KYAT1: variants seen among roughly 807,000 people sequenced by gnomAD.
KYAT1 encodes kynurenine aminotransferase 1, also known as kynurenine--oxoglutarate transaminase 1.
KYAT1 carries 47 observed loss-of-function variants against 52.4 expected under a neutral mutation model. That is an observed-to-expected ratio of 0.90 (90% confidence interval 0.71 to 1.14). KYAT1 has a LOEUF of 1.14. Ranked by LOEUF, KYAT1 falls within the 50% of genes most tolerant of loss-of-function variation. The pLI is 0.00. For missense variants in KYAT1, 480 were observed against 557.9 expected, an observed-to-expected ratio of 0.86 and a Z score of 1.41; for synonymous variants, 212 against 209.6, an observed-to-expected ratio of 1.01 and a Z score of -0.10.
At chr9:128,851,205 T>A (rs928914830) in intron 1 of KYAT1, among the ~76,000 whole-genome samples, 1 of 152,168 alleles carries the variant, frequency 6.6e-6, no homozygotes, top group African/African-American at 2.4e-5. Flanking sequence ...TGACGAGATA[T>A]CCCACAGGTA....
intron 1 of KYAT1, among the ~76,000 whole-genome samples, chr9:128,879,963 A>C (rs1009639110): frequency 6.6e-6 from 1 of 152,188 alleles, no homozygotes; most frequent in African/African-American, 2.4e-5. Flanking sequence ...GCTAAGGGAG[A>C]GGCCTGGGAG....
At chr9:128,855,708 T>C (rs1834506614) in intron 1 of KYAT1, among the ~76,000 whole-genome samples, 1 of 152,244 alleles carries the variant, frequency 6.6e-6, no homozygotes, top group African/African-American at 2.4e-5. Context: ...TGGATCCCTG[T>C]GTCCATGGAC....
At chr9:128,870,683 G>T (rs1156635972) in intron 1 of KYAT1, among the ~76,000 whole-genome samples, 1 of 152,022 alleles carries the variant, frequency 6.6e-6, no homozygotes, top group Non-Finnish European at 1.5e-5. Context: ...GGACAAAAAA[G>T]GTCACATAGC....
At chr9:128,862,444 C>T (rs1241593841) in intron 1 of KYAT1, among the ~76,000 whole-genome samples, 2 of 152,250 alleles carry the variant, frequency 1.3e-5, no homozygotes, top group Non-Finnish European at 2.9e-5. Context: ...TCCTAACATA[C>T]TAAAATAACA....
At position 128,837,731 on chromosome 9, in the gene KYAT1, C is replaced by T. The variant is rs753643947; in HGVS notation, c.521G>A (p.Arg174His). 9.3e-6 allele frequency: 15 copies of T among 1,613,978 alleles called. No individual in the cohort carries two copies. Among genetic ancestry groups the T allele is most frequent in the African/African-American group, 5.3e-5 (4 of 74,900 alleles). ...PMELAGKFTS[R>H]TKALVLNTPN... ...GGTGTTGAGGACCAGGGCTTTGGTG[C>T]GTGATGTGAATTTGCCGGCCAGCTC... Residue 174 changes from arginine (R) to histidine (H), a missense_variant, in exon 6 of 13, where the codon CGC becomes CAC. Coordinates refer to ENST00000302586, the MANE Select transcript of KYAT1 (RefSeq NM_004059.5).
intron 1 of KYAT1, among the ~76,000 whole-genome samples, chr9:128,857,083 ATT>A (rs1834735387): frequency 6.6e-6 from 1 of 152,232 alleles, no homozygotes; most frequent in Non-Finnish European, 1.5e-5. Flanking sequence ...CTGCCTTGTT[ATT>A]CTTTACTCCA....
At position 128,861,220 on chromosome 9, in the gene KYAT1, A is replaced by C. The variant is rs570491784; in HGVS notation, c.-6-15809T>G. On this transcript the variant is annotated intron_variant, in intron 1 of 12. Transcript: ENST00000302586. ...TGTCCCCACCCAAATCTCATCTTGA[A>C]TTGCAGTTCTCATAATTCCCACGTG... is the stretch of plus-strand genomic sequence containing the variant. Among the ~76,000 whole-genome samples the C allele has an allele frequency of 4.6e-5, 7 of 152,304 alleles. No individual in the cohort carries two copies. The South Asian group carries it at 1.5e-3, about 32-fold the overall frequency.
chr9:128,870,455 G>A (rs1195375965), intron 1 of KYAT1, among the ~76,000 whole-genome samples: 3 of 152,056 alleles, frequency 2.0e-5, no homozygotes, highest in Admixed American at 1.3e-4. Flanking sequence ...TGGGAAACAC[G>A]GCAAAACCTT....
intron 3 of KYAT1, among the ~76,000 whole-genome samples, chr9:128,841,589 G>A (rs1466213227): frequency 6.6e-6 from 1 of 151,072 alleles, no homozygotes; most frequent in Admixed American, 6.6e-5. Context: ...CCAGCTACTC[G>A]GGAGGCTGAG....
chr9:128,865,553 G>T (rs185733757), intron 1 of KYAT1, among the ~76,000 whole-genome samples: 2,188 of 150,012 alleles, frequency 0.015, 20 homozygotes, highest in Middle Eastern at 0.027. Context: ...GTAGAGGTGG[G>T]GTTTCACTAC....
rs549497155 is a variant in KYAT1 at position 128,873,074 on chromosome 9, T to TA, written c.-7+8822dup. Among the ~76,000 whole-genome samples, 331 of 118,714 alleles carry TA rather than the reference T, an allele frequency of 2.8e-3. 1 individual carries two copies. Among genetic ancestry groups the TA allele is most frequent in the South Asian group, 8.0e-3 (29 of 3,616 alleles). The allele number at this position is 118,714 out of a possible 152,430, so 77.9% of individuals were successfully genotyped here. A position where few individuals can be genotyped will look rare whatever the true frequency, so the allele number is the denominator to read the frequency against. ...CTGGGTGACAGAGTGAGACTCCATT[T>TA]AAAAAAAAAAAAAAAAAAAAGACCA... is the stretch of plus-strand genomic sequence containing the variant. On this transcript the variant is annotated intron_variant, in intron 1 of 12. Transcript: ENST00000302586.
intron 1 of KYAT1, among the ~76,000 whole-genome samples, chr9:128,873,058 AGAGT>A (rs1837466411): frequency 6.7e-6 from 1 of 150,202 alleles, no homozygotes; most frequent in African/African-American, 2.5e-5. Context: ...CCTGGGTGAC[AGAGT>A]GAGACTCCAT....
intron 3 of KYAT1, chr9:128,840,570 A>G (rs928305296): frequency 4.8e-6 from 2 of 419,772 alleles, no homozygotes; most frequent in Non-Finnish European, 9.3e-6. Flanking sequence ...AGTTAAAAGA[A>G]AAAAAAAAGA....
intron 1 of KYAT1, chr9:128,846,600 C>CAAAAAAAA (rs57333664): frequency 5.1e-4 from 213 of 418,924 alleles, no homozygotes; most frequent in Admixed American, 8.9e-4. Context: ...AAGACTCTAC[C>CAAAAAAAA]AAAAAAAAAA....
In KYAT1 at chr9:128,865,337, A is replaced by T. The variant is rs1218023774; in HGVS notation, c.-7+16560T>A. On this transcript the variant is annotated intron_variant, in intron 1 of 12. Coordinates refer to ENST00000302586, the MANE Select transcript of KYAT1 (RefSeq NM_004059.5). ...TATATATATATATATATATATATAT[A>T]TATATATATATATATATATATATTT... 7.4e-3 allele frequency among the ~76,000 whole-genome samples: 12 copies of T among 1,630 alleles called. 2 individuals carry two copies. The highest frequency in any genetic ancestry group is 0.025 in the South Asian group (1 of 40). 1.1% of individuals were successfully genotyped at this position (1,630 alleles called of 152,430 possible). A position where few individuals can be genotyped will look rare whatever the true frequency, so the allele number is the denominator to read the frequency against.
intron 1 of KYAT1, among the ~76,000 whole-genome samples, chr9:128,869,681 G>A (rs1470430926): frequency 2.0e-5 from 3 of 151,706 alleles, no homozygotes; most frequent in Non-Finnish European, 2.9e-5. Flanking sequence ...CAATCCTCCC[G>A]TTTCGGCCTT....
intron 1 of KYAT1, chr9:128,847,579 G>A (rs1485706162): frequency 7.3e-7 from 1 of 1,379,136 alleles, no homozygotes; most frequent in Middle Eastern, 2.1e-4. Context: ...CAGGGGAGAA[G>A]GGAGGAAACA....
chr9:128,864,040 C>T (rs1189521914), intron 1 of KYAT1, among the ~76,000 whole-genome samples: 2 of 151,842 alleles, frequency 1.3e-5, no homozygotes, highest in African/African-American at 4.8e-5. Context: ...CTAGGTGCCC[C>T]GTGGAGCCCT....
At chr9:128,865,338 T>C (rs1409721378) in intron 1 of KYAT1, among the ~76,000 whole-genome samples, 15 of 2,134 alleles carry the variant, frequency 7.0e-3, no homozygotes, top group African/African-American at 0.013. Flanking sequence ...TATATATATA[T>C]ATATATATAT....
Sources: allele counts gnomAD v4.1 joint callset (sites outside exome capture counted in the v4.1 genomes callset), GRCh38; gene constraint gnomAD v4.1.1; transcripts MANE v1.5; gene names NCBI Gene and HGNC (gene_info 2026-07-23, HGNC 2026-07-21).